Variants in KLHDC10 observed in about 807,000 individuals in gnomAD.
KLHDC10 encodes the protein kelch domain-containing protein 10.
KLHDC10 carries 24 observed loss-of-function variants against 56.1 expected under a neutral mutation model. That is an observed-to-expected ratio of 0.43 (90% CI 0.31 to 0.60). The LOEUF (loss-of-function observed/expected upper bound fraction) is 0.60. Ranked by LOEUF, KLHDC10 falls within the 20% of genes least tolerant of loss-of-function variation. The probability of loss-of-function intolerance (pLI) is 0.11; values close to 1 mark genes in which losing one functional copy is unlikely to be tolerated. For missense variants in KLHDC10, 349 were observed against 567.0 expected (o/e 0.62, Z 3.91); for synonymous variants, 188 against 207.1 (o/e 0.91, Z 0.79).
chr7:130,072,221 C>T lies in KLHDC10; in HGVS notation c.166+1412C>T, dbSNP rs191609799. ...GCAAACACTGTCACCAGTTTGCCCT[C>T]TACTACCGCAATCTTTAGGTCTTTG... On this transcript the variant is annotated intron_variant, in intron 1 of 9. Coordinates refer to ENST00000335420, the MANE Select transcript of KLHDC10 (RefSeq NM_014997.4). 1.3e-3 allele frequency among the ~76,000 whole-genome samples: 201 copies of T among 152,326 alleles called. 1 individual carries two copies. The highest frequency in any genetic ancestry group is 4.7e-3 in the African/African-American group (197 of 41,568).
chr7:130,118,755 C>T (rs563882808), intron 3 of KLHDC10, among the ~76,000 whole-genome samples: 35 of 152,120 alleles, frequency 2.3e-4, no homozygotes, highest in Non-Finnish European at 4.1e-4. Context: ...GGCCTAATTT[C>T]AATCTTGTTG....
At chr7:130,124,003 C>G (rs1796283250) in intron 5 of KLHDC10, among the ~76,000 whole-genome samples, 1 of 152,114 alleles carries the variant, frequency 6.6e-6, no homozygotes, top group South Asian at 2.1e-4. Flanking sequence ...CTTTTTAAAA[C>G]TATGTAATAA....
chr7:130,128,257 A>G (rs1435224558), intron 8 of KLHDC10, among the ~76,000 whole-genome samples: 1 of 152,224 alleles, frequency 6.6e-6, no homozygotes, highest in African/African-American at 2.4e-5. Context: ...ATCCTAGCCA[A>G]AAAAGTTTCC....
intron 2 of KLHDC10, among the ~76,000 whole-genome samples, chr7:130,107,830 TG>T (rs1437453924): frequency 2.3e-5 from 1 of 42,972 alleles, no homozygotes; most frequent in Admixed American, 3.6e-4. Flanking sequence ...GGCGACAGAG[TG>T]GGACTCCGTC....
At chr7:130,082,037 G>T (rs942899149) in intron 1 of KLHDC10, among the ~76,000 whole-genome samples, 3 of 152,196 alleles carry the variant, frequency 2.0e-5, no homozygotes, top group African/African-American at 7.2e-5. Flanking sequence ...AATGGGCTGG[G>T]TGTAGTGGCT....
chr7:130,084,520 TC>T, intron 1 of KLHDC10, among the ~76,000 whole-genome samples: 1 of 152,124 alleles, frequency 6.6e-6, no homozygotes, highest in Non-Finnish European at 1.5e-5. Flanking sequence ...ACGCCTGTAA[TC>T]CCAGCACTTT....
chr7:130,118,071 G>A (rs1056483061), intron 3 of KLHDC10, among the ~76,000 whole-genome samples: 1 of 151,946 alleles, frequency 6.6e-6, no homozygotes, highest in African/African-American at 2.4e-5. Context: ...TACTCAGGAG[G>A]CTGAGGCAGG....
chr7:130,080,807 A>C (rs1353332105), intron 1 of KLHDC10, among the ~76,000 whole-genome samples: 4 of 152,168 alleles, frequency 2.6e-5, no homozygotes, highest in Non-Finnish European at 4.4e-5. Context: ...GATTTTCAAA[A>C]TTATTTGTGC....
At chr7:130,097,229 T>C (rs1795861685) in intron 2 of KLHDC10, among the ~76,000 whole-genome samples, 1 of 152,188 alleles carries the variant, frequency 6.6e-6, no homozygotes, top group Non-Finnish European at 1.5e-5. Context: ...TAGTGTATTA[T>C]TAGATGGTAG....
chr7:130,089,422 G>A (rs1233371067), intron 1 of KLHDC10, among the ~76,000 whole-genome samples: 1 of 152,134 alleles, frequency 6.6e-6, no homozygotes, highest in African/African-American at 2.4e-5. Context: ...GCTAGACCCT[G>A]TGTCTACTTC....
chr7:130,118,576 G>A (rs1460167777), intron 3 of KLHDC10, among the ~76,000 whole-genome samples: 1 of 152,212 alleles, frequency 6.6e-6, no homozygotes, highest in South Asian at 2.1e-4. Flanking sequence ...CTTTTCCTTT[G>A]CATTCACAAT....
At chr7:130,128,892 ATATATATAT>A (rs1563107675) in intron 8 of KLHDC10, among the ~76,000 whole-genome samples, 16 of 58,916 alleles carry the variant, frequency 2.7e-4, no homozygotes, top group Non-Finnish European at 3.9e-4. Flanking sequence ...AAAAAAAAAT[ATATATATAT>A]ATATATATAT....
intron 1 of KLHDC10, 92 bp downstream of exon 1, chr7:130,070,901 A>G: frequency 1.1e-6 from 1 of 926,064 alleles, no homozygotes. Context: ...CCTTGGGAGG[A>G]GGAAAGGCAG....
chr7:130,073,519 C>A (rs1329732811), intron 1 of KLHDC10, among the ~76,000 whole-genome samples: 1 of 152,082 alleles, frequency 6.6e-6, no homozygotes, highest in African/African-American at 2.4e-5. Context: ...TGGGCTCGAA[C>A]TCCTGGCCTC....
intron 1 of KLHDC10, among the ~76,000 whole-genome samples, chr7:130,072,800 A>C (rs1795436113): frequency 6.6e-6 from 1 of 151,858 alleles, no homozygotes; most frequent in African/African-American, 2.4e-5. Context: ...TCTGTCCTCC[A>C]GGCTGGAGTG....
At chr7:130,114,358 C>G (rs1796140137) in intron 2 of KLHDC10, among the ~76,000 whole-genome samples, 1 of 152,224 alleles carries the variant, frequency 6.6e-6, no homozygotes, top group South Asian at 2.1e-4. Context: ...CCTTTTCCCT[C>G]AAATAGCTCA....
At chr7:130,087,245 G>GT (rs888138471) in intron 1 of KLHDC10, among the ~76,000 whole-genome samples, 15 of 151,988 alleles carry the variant, frequency 9.9e-5, no homozygotes, top group East Asian at 9.7e-4. Context: ...CACTAAAAAT[G>GT]TTTTTTTTGC....
rs992362710 is a variant in KLHDC10 at position 130,110,883 on chromosome 7, T to G, written c.254-5562T>G. On this transcript the variant is annotated intron_variant, in intron 2 of 9. Coordinates refer to ENST00000335420, the MANE Select transcript of KLHDC10 (RefSeq NM_014997.4). ...TAGACTTACTAAGCAGTAAATGTTATGTACTACTTTATTTACAAGCTTTTG... is the reference window on the plus strand; with the variant it reads ...TAGACTTACTAAGCAGTAAATGTTAGGTACTACTTTATTTACAAGCTTTTG... Among the ~76,000 whole-genome samples, 32 of 152,234 alleles carry G rather than the reference T, an allele frequency of 2.1e-4. 1 individual carries two copies. Among genetic ancestry groups the G allele is most frequent in the Non-Finnish European group, 2.9e-5 (2 of 68,036 alleles).
At chr7:130,107,919 G>C (rs1265598803) in intron 2 of KLHDC10, among the ~76,000 whole-genome samples, 1 of 151,050 alleles carries the variant, frequency 6.6e-6, no homozygotes, top group Non-Finnish European at 1.5e-5. Flanking sequence ...GGAGGCTGAG[G>C]GTGGAGAATG....
Sources: allele counts gnomAD v4.1 joint callset (sites outside exome capture counted in the v4.1 genomes callset), GRCh38; gene constraint gnomAD v4.1.1; transcripts MANE v1.5; gene names NCBI Gene and HGNC (gene_info 2026-07-23, HGNC 2026-07-21).